Variants in PRRX2 observed in about 807,000 individuals in gnomAD.
The protein encoded by PRRX2 is paired related homeobox 2.
PRRX2 carries 11 observed loss-of-function variants against 18.0 expected under a neutral mutation model. The observed-to-expected ratio is 0.61, with a 90% CI of 0.39 to 1.01. The LOEUF is 1.01. PRRX2 is among the 50% of genes least tolerant of loss of function. The pLI is 0.01. For synonymous variants in PRRX2, 177 were observed against 154.8 expected (o/e 1.14, Z -1.06); for missense variants, 387 against 351.0 (o/e 1.10, Z -0.82).
chr9:129,672,901 C>G (rs1191097764), intron 1 of PRRX2, among the ~76,000 whole-genome samples: 1 of 151,548 alleles, frequency 6.6e-6, no homozygotes, highest in African/African-American at 2.4e-5. Flanking sequence ...TTCATTCATT[C>G]ATTCATTCAT....
intron 1 of PRRX2, among the ~76,000 whole-genome samples, chr9:129,704,542 C>T (rs548500316): frequency 6.4e-4 from 97 of 152,142 alleles, no homozygotes; most frequent in Non-Finnish European, 8.5e-4. Flanking sequence ...CCCAGGAAAC[C>T]CGGGAACAGA....
At chr9:129,697,940 G>A (rs995556817) in intron 1 of PRRX2, among the ~76,000 whole-genome samples, 3 of 152,076 alleles carry the variant, frequency 2.0e-5, no homozygotes, top group African/African-American at 7.2e-5. Flanking sequence ...AAATGTGGGT[G>A]GGGGAGGGGA....
intron 1 of PRRX2, among the ~76,000 whole-genome samples, chr9:129,703,925 G>T (rs998238182): frequency 6.6e-6 from 1 of 152,226 alleles, no homozygotes; most frequent in Admixed American, 6.5e-5. Flanking sequence ...CGTCAGCCTC[G>T]CAGGCACTGC....
chr9:129,681,799 A>G (rs1268005415), intron 1 of PRRX2, among the ~76,000 whole-genome samples: 1 of 152,054 alleles, frequency 6.6e-6, no homozygotes, highest in East Asian at 1.9e-4. Context: ...ACCCCATTCC[A>G]GAAACACTAA....
rs996332868 is a variant in PRRX2 at position 129,694,152 on chromosome 9, A to T, written c.260-25079A>T. 2.0e-5 allele frequency among the ~76,000 whole-genome samples: 3 copies of T among 152,108 alleles called. No individual in the cohort carries two copies. The East Asian group carries it at 5.8e-4, about 29-fold the overall frequency. On this transcript the variant is annotated intron_variant, in intron 1 of 3. Coordinates refer to ENST00000372469, the MANE Select transcript of PRRX2 (RefSeq NM_016307.4). ...GCCAGCCCCGGCCTGAGTGTGCTCA[A>T]AAACACCCCACGTCTCCCCTTTAAT... is the stretch of plus-strand genomic sequence containing the variant.
At chr9:129,707,513 C>T (rs1020066852) in intron 1 of PRRX2, among the ~76,000 whole-genome samples, 2 of 151,960 alleles carry the variant, frequency 1.3e-5, no homozygotes, top group Non-Finnish European at 2.9e-5. Flanking sequence ...TGGCCGGGCG[C>T]GGTGGCTCAC....
At chr9:129,682,805 C>T (rs1832250174) in intron 1 of PRRX2, among the ~76,000 whole-genome samples, 2 of 152,194 alleles carry the variant, frequency 1.3e-5, no homozygotes, top group Admixed American at 1.3e-4. Flanking sequence ...AGACCCGTCC[C>T]TCAATCTTCC....
At chr9:129,677,395 G>A (rs757309874) in intron 1 of PRRX2, among the ~76,000 whole-genome samples, 3 of 152,256 alleles carry the variant, frequency 2.0e-5, no homozygotes, top group East Asian at 1.9e-4. Flanking sequence ...GCCACCTCAC[G>A]CCGGTGCCTC....
intron 1 of PRRX2, among the ~76,000 whole-genome samples, chr9:129,702,671 G>T: frequency 6.6e-6 from 1 of 152,248 alleles, no homozygotes; most frequent in South Asian, 2.1e-4. Flanking sequence ...ATTCCCAGAT[G>T]TCTGCTCTGA....
At chr9:129,710,767 C>T (rs557576017) in intron 1 of PRRX2, among the ~76,000 whole-genome samples, 3 of 152,174 alleles carry the variant, frequency 2.0e-5, no homozygotes, top group African/African-American at 7.2e-5. Flanking sequence ...GCTCTTGGGC[C>T]CCTTGGTCGG....
chr9:129,667,507 G>A (rs1832040754), intron 1 of PRRX2, among the ~76,000 whole-genome samples: 1 of 152,088 alleles, frequency 6.6e-6, no homozygotes, highest in Non-Finnish European at 1.5e-5. Context: ...AGAGAAGGAG[G>A]AACAACTTGA....
chr9:129,719,284 C>A lies in PRRX2; in HGVS notation c.313C>A (p.Arg105=). The A allele has an allele frequency of 6.2e-7, 1 of 1,609,360 alleles. No individual in the cohort carries two copies. The highest frequency in any genetic ancestry group is 1.1e-5 in the South Asian group (1 of 90,534). The change falls in exon 2 of 4, where the codon CGG becomes AGG. Residue 105 remains arginine, a synonymous_variant. Coordinates refer to ENST00000372469, the MANE Select transcript of PRRX2 (RefSeq NM_016307.4). ...GSAAKRKKKQ[R]RNRTTFNSSQ... ...CGCCGCCAAGCGGAAGAAGAAGCAG[C>A]GGCGGAACCGCACCACGTTCAACAG...
intron 1 of PRRX2, among the ~76,000 whole-genome samples, chr9:129,697,958 G>T (rs901790592): frequency 3.3e-5 from 5 of 151,998 alleles, no homozygotes; most frequent in Non-Finnish European, 7.4e-5. Flanking sequence ...GGAGCGTGGA[G>T]GTTGGAGGGT....
intron 1 of PRRX2, among the ~76,000 whole-genome samples, chr9:129,711,984 A>G (rs902941396): frequency 1.3e-5 from 2 of 152,146 alleles, no homozygotes; most frequent in African/African-American, 4.8e-5. Flanking sequence ...AAGGAACCCA[A>G]ATCTCTACCA....
intron 1 of PRRX2, among the ~76,000 whole-genome samples, chr9:129,684,919 A>C (rs1361843651): frequency 6.6e-6 from 1 of 152,228 alleles, no homozygotes; most frequent in Non-Finnish European, 1.5e-5. Context: ...TTGTGGGTGG[A>C]GTTGAGGGAA....
At chr9:129,687,930 C>CT (rs1489161889) in intron 1 of PRRX2, among the ~76,000 whole-genome samples, 1 of 152,224 alleles carries the variant, frequency 6.6e-6, no homozygotes, top group Non-Finnish European at 1.5e-5. Flanking sequence ...CGGGGACAGT[C>CT]TGTCACTCAG....
intron 1 of PRRX2, among the ~76,000 whole-genome samples, chr9:129,668,777 T>TAA (rs1832059904): frequency 1.8e-5 from 1 of 55,186 alleles, no homozygotes; most frequent in African/African-American, 1.0e-4. Flanking sequence ...AGACTCCATC[T>TAA]CAAAAAAAAA....
chr9:129,682,928 A>ACCC (rs139699879), intron 1 of PRRX2, among the ~76,000 whole-genome samples: 1 of 151,176 alleles, frequency 6.6e-6, no homozygotes, highest in Non-Finnish European at 1.5e-5. Context: ...AACATGGTGA[A>ACCC]CCCCCCCCAT....
At chr9:129,680,464 T>TC (rs1275940293) in intron 1 of PRRX2, among the ~76,000 whole-genome samples, 2 of 130,868 alleles carry the variant, frequency 1.5e-5, no homozygotes, top group African/African-American at 3.0e-5. Flanking sequence ...TCTCTCTCTC[T>TC]CCCACCCCCC....
Sources: gnomAD v4.1 joint callset for allele counts (sites outside exome capture counted in the v4.1 genomes callset) on GRCh38, gnomAD v4.1.1 for gene constraint, MANE v1.5 for transcripts, NCBI Gene and HGNC (gene_info 2026-07-23, HGNC 2026-07-21) for gene names.